The following CASK variants were observed in gnomAD, a reference collection of about 807,000 sequenced individuals.
The protein encoded by CASK is calcium/calmodulin dependent serine protein kinase.
In CASK, 4 loss-of-function variants were observed where a neutral mutation model predicts 82.9. The ratio of observed to expected loss-of-function variants is 0.05; its 90% CI spans 0.02 to 0.11. The LOEUF (loss-of-function observed/expected upper bound fraction) is 0.11, where lower values mean the gene tolerates loss of function less well. Among genes scored for constraint, CASK ranks in the 10% least tolerant of loss-of-function variants. CASK has a pLI of 1.00. For synonymous variants in CASK, 259 were observed against 253.5 expected (o/e 1.02, Z -0.20); for missense variants, 358 against 720.9 (o/e 0.50, Z 5.76).
intron 4 of CASK, among the ~76,000 whole-genome samples, chrX:41,739,898 C>T (rs190223614): frequency 1.8e-5 from 2 of 112,313 alleles, no homozygotes; most frequent in East Asian, 2.8e-4. Context: ...TGCTCTTCAT[C>T]TTACTTCTAT....
intron 1 of CASK, among the ~76,000 whole-genome samples, chrX:41,893,584 C>A (rs761684682): frequency 5.4e-4 from 60 of 111,592 alleles, no homozygotes; most frequent in Non-Finnish European, 8.3e-4. Context: ...CTGTGAGGCC[C>A]TACACAAGCA....
At chrX:41,837,060 T>A (rs1041320498) in intron 2 of CASK, among the ~76,000 whole-genome samples, 2 of 112,398 alleles carry the variant, frequency 1.8e-5, no homozygotes, top group African/African-American at 6.5e-5. Context: ...AAACCTGTAG[T>A]TAAAATGCTT....
At chrX:41,781,532 T>C (rs921213484) in intron 3 of CASK, among the ~76,000 whole-genome samples, 2 of 112,190 alleles carry the variant, frequency 1.8e-5, no homozygotes, top group Non-Finnish European at 3.8e-5. Context: ...ATGGGTGTCA[T>C]GTTACAAAAA....
At position 41,816,685 on chromosome X, in the gene CASK, T is replaced by C. The variant is rs2070420451; in HGVS notation, c.173-29402A>G. 2.7e-5 allele frequency among the ~76,000 whole-genome samples: 3 copies of C among 110,076 alleles called. No individual in the cohort carries two copies. The Admixed American group carries it at 2.9e-4, about 11-fold the overall frequency. On this transcript the variant is annotated intron_variant, in intron 2 of 26. Transcript: ENST00000378163. ...TAAGGATAAAGAAAGGTAACATCAC[T>C]AAAGGTTTTACAGATATACTAAGAA...
At chrX:41,862,961 T>C (rs1457916322) in intron 1 of CASK, among the ~76,000 whole-genome samples, 1 of 111,065 alleles carries the variant, frequency 9.0e-6, no homozygotes, top group East Asian at 2.8e-4. Flanking sequence ...GTTTGGAAAA[T>C]ATTGGTTTCC....
At chrX:41,702,446 T>C (rs968629610) in intron 5 of CASK, among the ~76,000 whole-genome samples, 21 of 110,139 alleles carry the variant, frequency 1.9e-4, no homozygotes, top group African/African-American at 6.0e-4. Context: ...GCCATTAATA[T>C]GTATTGGGGG....
intron 1 of CASK, among the ~76,000 whole-genome samples, chrX:41,875,927 G>C (rs977425907): frequency 1.8e-5 from 2 of 111,268 alleles, no homozygotes; most frequent in African/African-American, 6.5e-5. Context: ...TCTGGACTGG[G>C]AAATATTTTC....
chrX:41,561,710 G>T, intron 16 of CASK, 66 bp from the exon 17 acceptor site: 1 of 810,992 alleles, frequency 1.2e-6, no homozygotes, highest in Non-Finnish European at 1.8e-6. Flanking sequence ...AAATCCAGAG[G>T]CATCAATGTA....
intron 23 of CASK, 48 bp from the exon 24 acceptor site, chrX:41,534,834 A>C (rs1569291062): frequency 8.7e-7 from 1 of 1,154,148 alleles, no homozygotes; most frequent in East Asian, 3.0e-5. Context: ...ACTCTTAATA[A>C]TGTTCACAAA....
chrX:41,568,188 T>C (rs1210203352), intron 16 of CASK, among the ~76,000 whole-genome samples: 1 of 107,972 alleles, frequency 9.3e-6, no homozygotes, highest in Non-Finnish European at 1.9e-5. Flanking sequence ...TGTATACCTA[T>C]GTATCAAACC....
At chrX:41,839,752 T>C (rs1431645723) in intron 2 of CASK, among the ~76,000 whole-genome samples, 5 of 111,820 alleles carry the variant, frequency 4.5e-5, no homozygotes, top group Non-Finnish European at 9.4e-5. Flanking sequence ...AAAAAACTTA[T>C]TGGAAAAATG....
chrX:41,576,980 T>C (rs1036058417), intron 15 of CASK, among the ~76,000 whole-genome samples: 1 of 112,209 alleles, frequency 8.9e-6, no homozygotes, highest in African/African-American at 3.2e-5. Flanking sequence ...GGTCATAGAG[T>C]CACTGCTATA....
intron 1 of CASK, among the ~76,000 whole-genome samples, chrX:41,914,036 T>TAG (rs752860728): frequency 8.9e-6 from 1 of 112,139 alleles, no homozygotes; most frequent in Non-Finnish European, 1.9e-5. Flanking sequence ...ATGGAAGGAC[T>TAG]AGAGAGAGAG....
intron 12 of CASK, among the ~76,000 whole-genome samples, chrX:41,605,282 G>C (rs769277606): frequency 9.0e-6 from 1 of 111,416 alleles, no homozygotes; most frequent in South Asian, 3.8e-4. Context: ...TGCCCCCTGG[G>C]TGTCCCTACT....
At chrX:41,609,781 T>A in intron 12 of CASK, 123 bp downstream of exon 12, 1 of 688,176 alleles carries the variant, frequency 1.5e-6, no homozygotes, top group Non-Finnish European at 2.3e-6. Flanking sequence ...ATGGTCTCAG[T>A]CTCCTGACCT....
intron 3 of CASK, among the ~76,000 whole-genome samples, chrX:41,750,472 C>T (rs1263251118): frequency 9.0e-6 from 1 of 111,451 alleles, no homozygotes; most frequent in Non-Finnish European, 1.9e-5. Context: ...TGTGAATTTT[C>T]CTAGTTGGCT....
At chrX:41,850,344 T>C (rs1481403673) in intron 2 of CASK, among the ~76,000 whole-genome samples, 8 of 111,442 alleles carry the variant, frequency 7.2e-5, no homozygotes, top group Non-Finnish European at 1.5e-4. Flanking sequence ...TCCAAATAAA[T>C]AGCATATGGT....
chrX:41,696,593 T>G lies in CASK; in HGVS notation c.430-25063A>C, dbSNP rs1478038532. The G allele has an allele frequency of 1.7e-6, 2 of 1,210,001 alleles. No homozygotes were observed. Among genetic ancestry groups the G allele is most frequent in the South Asian group, 3.5e-5 (2 of 56,904 alleles). On this transcript the variant is annotated intron_variant, in intron 5 of 26. Transcript: ENST00000378163. ...TGCTGGTTCTCTCATCTTTCAATAG[T>G]TGCTTAGATCCAGTCATGTATTTCC...
chrX:41,864,806 T>C (rs1027161428), intron 1 of CASK, among the ~76,000 whole-genome samples: 2 of 111,937 alleles, frequency 1.8e-5, no homozygotes, highest in Non-Finnish European at 3.8e-5. Context: ...CAGCAGGCAA[T>C]AATGCAACCT....
Sources: gnomAD v4.1 joint callset for allele counts (sites outside exome capture counted in the v4.1 genomes callset) on GRCh38, gnomAD v4.1.1 for gene constraint, MANE v1.5 for transcripts, NCBI Gene and HGNC (gene_info 2026-07-23, HGNC 2026-07-21) for gene names.